Variants in AGBL4 observed in about 807,000 individuals in gnomAD.
The protein encoded by AGBL4 is cytosolic carboxypeptidase 6.
AGBL4 carries 58 observed loss-of-function variants against 66.4 expected under a neutral mutation model. That is an observed-to-expected ratio of 0.87 (90% CI 0.71 to 1.09). The LOEUF (loss-of-function observed/expected upper bound fraction) is 1.09. Among genes scored for constraint, AGBL4 ranks in the 50% least tolerant of loss-of-function variants. The pLI is 0.00. For synonymous variants in AGBL4, 234 were observed against 222.9 expected (o/e 1.05, Z -0.44); for missense variants, 579 against 631.0 (o/e 0.92, Z 0.88).
chr1:48,825,826 T>G (rs1230020620), intron 6 of AGBL4, among the ~76,000 whole-genome samples: 1 of 152,188 alleles, frequency 6.6e-6, no homozygotes, highest in Non-Finnish European at 1.5e-5. Flanking sequence ...CTCAGTGCCC[T>G]GTTAATGACA....
At chr1:48,759,837 T>C (rs896477702) in intron 6 of AGBL4, among the ~76,000 whole-genome samples, 2 of 152,222 alleles carry the variant, frequency 1.3e-5, no homozygotes, top group African/African-American at 4.8e-5. Context: ...TCTACTCTAA[T>C]CTAGAGCAGA....
chr1:49,784,205 T>C (rs951229701), intron 2 of AGBL4, among the ~76,000 whole-genome samples: 4 of 152,102 alleles, frequency 2.6e-5, no homozygotes, highest in African/African-American at 9.7e-5. Flanking sequence ...AAGTTGCATG[T>C]TGCACCCTTC....
intron 1 of AGBL4, among the ~76,000 whole-genome samples, chr1:49,952,915 T>C (rs1028044588): frequency 6.6e-5 from 10 of 151,958 alleles, no homozygotes; most frequent in African/African-American, 2.4e-4. Context: ...TTTTACTACA[T>C]TATTTTTCAT....
intron 7 of AGBL4, among the ~76,000 whole-genome samples, chr1:48,659,327 G>A (rs1424838870): frequency 6.6e-6 from 1 of 152,166 alleles, no homozygotes; most frequent in Non-Finnish European, 1.5e-5. Flanking sequence ...AAGTCCCCTA[G>A]CTAGATGGAA....
chr1:49,012,857 T>C (rs966537432), intron 5 of AGBL4, among the ~76,000 whole-genome samples: 2 of 152,220 alleles, frequency 1.3e-5, no homozygotes, highest in African/African-American at 2.4e-5. Context: ...AGGTGGGACC[T>C]GTAAGAGATA....
intron 3 of AGBL4, among the ~76,000 whole-genome samples, chr1:49,295,105 C>T (rs1440778288): frequency 6.6e-6 from 1 of 152,190 alleles, no homozygotes; most frequent in Non-Finnish European, 1.5e-5. Context: ...TCTTTGTTCT[C>T]ATCACTTAAG....
At chr1:48,907,766 G>C (rs541464450) in intron 5 of AGBL4, among the ~76,000 whole-genome samples, 1 of 152,286 alleles carries the variant, frequency 6.6e-6, no homozygotes, top group African/African-American at 2.4e-5. Context: ...TCATGATATA[G>C]TTGGGGATGC....
chr1:49,815,983 T>G (rs1645221356), intron 2 of AGBL4, among the ~76,000 whole-genome samples: 1 of 152,068 alleles, frequency 6.6e-6, no homozygotes, highest in Admixed American at 6.6e-5. Context: ...CTCAAGCTCC[T>G]AGGCTGAAGC....
At chr1:49,263,781 A>C (rs115741155) in intron 3 of AGBL4, among the ~76,000 whole-genome samples, 2,616 of 152,282 alleles carry the variant, frequency 0.017, 31 homozygotes, top group Non-Finnish European at 0.025. Flanking sequence ...TTCCACTTCT[A>C]TGTGTTCTCC....
chr1:48,645,446 T>C (rs1328324993), intron 8 of AGBL4, among the ~76,000 whole-genome samples: 2 of 152,148 alleles, frequency 1.3e-5, no homozygotes, highest in Non-Finnish European at 2.9e-5. Context: ...AGTTGCAGCT[T>C]AGCAGAAATG....
chr1:48,590,898 C>A lies in AGBL4; in HGVS notation c.1039G>T (p.Glu347Ter). The A allele has an allele frequency of 6.2e-7, 1 of 1,608,812 alleles. No homozygotes were observed. The highest frequency in any genetic ancestry group is 1.7e-5 in the Admixed American group (1 of 59,430). The part of the protein sequence containing the change: ...FMYGNIFEDE[E>*]RFQRQAIFPK... ...AAAATGGCCTGCCTCTGGAACCGTT[C>A]CTCATCCTCAAAGATGTTGCCATAC... The change falls in exon 10 of 14, where the codon GAA (glutamate) becomes TAA (stop). Residue 347 changes from glutamate to a stop codon, truncating the protein, a stop_gained. Coordinates refer to ENST00000371839, the MANE Select transcript of AGBL4 (RefSeq NM_032785.4). LOFTEE classifies it high-confidence loss of function.
At chr1:48,627,992 C>T (rs1410021163) in intron 9 of AGBL4, among the ~76,000 whole-genome samples, 3 of 152,184 alleles carry the variant, frequency 2.0e-5, no homozygotes, top group Non-Finnish European at 4.4e-5. Flanking sequence ...CGTAGTCTCA[C>T]CTCCTTTGAT....
chr1:49,382,192 A>G (rs1644631989), intron 3 of AGBL4, among the ~76,000 whole-genome samples: 1 of 152,088 alleles, frequency 6.6e-6, no homozygotes, highest in African/African-American at 2.4e-5. Context: ...TAACTGATGC[A>G]AAATAGTAAT....
chr1:49,348,637 C>T (rs1036337665), intron 3 of AGBL4, among the ~76,000 whole-genome samples: 5 of 152,176 alleles, frequency 3.3e-5, no homozygotes, highest in African/African-American at 1.2e-4. Context: ...GAGGACCGTG[C>T]TTTTGGCCCA....
chr1:49,556,926 T>G (rs1643917320), intron 3 of AGBL4, among the ~76,000 whole-genome samples: 1 of 152,058 alleles, frequency 6.6e-6, no homozygotes, highest in Non-Finnish European at 1.5e-5. Flanking sequence ...CGGCGCACCC[T>G]CCGCAGATGC....
At chr1:49,128,853 A>G (rs1316727937) in intron 4 of AGBL4, among the ~76,000 whole-genome samples, 1 of 152,072 alleles carries the variant, frequency 6.6e-6, no homozygotes, top group African/African-American at 2.4e-5. Flanking sequence ...TTAAAAGAAG[A>G]TAATATGATA....
chr1:49,751,845 T>C (rs1460688817), intron 2 of AGBL4, among the ~76,000 whole-genome samples: 1 of 148,870 alleles, frequency 6.7e-6, no homozygotes, highest in African/African-American at 2.6e-5. Context: ...TTCTTCTAGA[T>C]TTTCTGGTTT....
At chr1:49,777,385 A>G (rs767608668) in intron 2 of AGBL4, among the ~76,000 whole-genome samples, 14 of 152,342 alleles carry the variant, frequency 9.2e-5, no homozygotes, top group Non-Finnish European at 1.5e-4. Context: ...ATCATGTATA[A>G]TTTAAGTAAT....
chr1:49,980,932 C>A (rs1284301245), intron 1 of AGBL4, among the ~76,000 whole-genome samples: 2 of 152,126 alleles, frequency 1.3e-5, no homozygotes, highest in Non-Finnish European at 2.9e-5. Context: ...TCTGCTAGTA[C>A]CAATTTATAT....
Sources: gnomAD v4.1 joint callset for allele counts (sites outside exome capture counted in the v4.1 genomes callset) on GRCh38, gnomAD v4.1.1 for gene constraint, MANE v1.5 for transcripts, NCBI Gene and HGNC (gene_info 2026-07-23, HGNC 2026-07-21) for gene names.